Variants in PCDHGB5 observed in about 807,000 individuals in gnomAD.
PCDHGB5 encodes the protein protocadherin gamma-B5.
Under a neutral mutation model 62.9 loss-of-function variants are expected in PCDHGB5, and 48 were observed. The ratio of observed to expected loss-of-function variants is 0.76; its 90% CI spans 0.61 to 0.97. The LOEUF (loss-of-function observed/expected upper bound fraction) is 0.97. Ranked by LOEUF, PCDHGB5 falls within the 50% of genes least tolerant of loss-of-function variation. PCDHGB5 has a pLI of 0.00. For synonymous variants in PCDHGB5, 474 were observed against 511.2 expected, an observed-to-expected ratio of 0.93 and a Z score of 0.98; for missense variants, 1,118 against 1,198.6, an observed-to-expected ratio of 0.93 and a Z score of 0.99.
At position 141,399,889 on chromosome 5, in the gene PCDHGB5, G is replaced by A. The variant is rs2093912508; in HGVS notation, c.1762G>A (p.Val588Met). 2.5e-6 allele frequency: 4 copies of A among 1,612,576 alleles called. No homozygotes were observed. In the African/African-American group the frequency reaches 5.3e-5, roughly 22 times the overall value. Residue 588 changes from valine to methionine, a missense_variant, in exon 1 of 4, where the codon GTG becomes ATG. Val to Met is a conservative substitution (Grantham distance 21). This residue lies in a region of PCDHGB5 where 1,034 missense variants were observed against 1,029.1 expected (regional missense o/e 1.00). Coordinates refer to ENST00000617380, the MANE Select transcript of PCDHGB5 (RefSeq NM_018925.3). ...AEPGYLVTKV[V>M]AVDADSGHNA... Reference sequence around the variant, plus strand: ...GCCCGGCTACCTGGTGACCAAGGTAGTGGCCGTGGACGCAGACTCAGGACA... The same window carrying A: ...GCCCGGCTACCTGGTGACCAAGGTAATGGCCGTGGACGCAGACTCAGGACA...
chr5:141,478,347 C>T, intron 1 of PCDHGB5: 2 of 1,613,802 alleles, frequency 1.2e-6, no homozygotes, highest in Non-Finnish European at 1.7e-6. Context: ...TCCTTGCACG[C>T]GGACGCCGTG....
intron 1 of PCDHGB5, among the ~76,000 whole-genome samples, chr5:141,434,518 T>C (rs2097700303): frequency 6.6e-6 from 1 of 152,188 alleles, no homozygotes; most frequent in Admixed American, 6.5e-5. Flanking sequence ...CTTAAAGGTG[T>C]TCTTAAACCA....
intron 1 of PCDHGB5, among the ~76,000 whole-genome samples, chr5:141,457,687 G>A (rs2098927754): frequency 6.6e-6 from 1 of 152,198 alleles, no homozygotes; most frequent in Admixed American, 6.5e-5. Context: ...TAGGACTTTT[G>A]GATTGGCTTT....
At chr5:141,423,375 G>C in intron 1 of PCDHGB5, 1 of 1,614,192 alleles carries the variant, frequency 6.2e-7, no homozygotes, top group Non-Finnish European at 8.5e-7. Context: ...TGGCACTCAG[G>C]CTGTGGCGCT....
At chr5:141,506,237 T>G (rs558256375) in intron 3 of PCDHGB5, among the ~76,000 whole-genome samples, 1 of 152,014 alleles carries the variant, frequency 6.6e-6, no homozygotes, top group South Asian at 2.1e-4. Flanking sequence ...GATCATGAGG[T>G]CAGGAGTTCG....
At position 141,491,828 on chromosome 5, in the gene PCDHGB5, G is replaced by C. The variant is rs1389234164; in HGVS notation, c.2398-2979G>C. ...CTTGGTCGCTGGCTGCGCTCCACCC[G>C]ATTCTCGGGATCATTGGACCGTTTG... On this transcript the variant is annotated intron_variant, in intron 1 of 3. Coordinates refer to ENST00000617380, the MANE Select transcript of PCDHGB5 (RefSeq NM_018925.3). The surrounding 1 kb of genome is among the most constrained non-coding windows in gnomAD (Gnocchi z 6.9). 4.1e-6 allele frequency: 6 copies of C among 1,475,668 alleles called. No homozygotes were observed. The highest frequency in any genetic ancestry group is 5.4e-6 in the Non-Finnish European group (6 of 1,113,522). 91.4% of individuals were successfully genotyped at this position (1,475,668 alleles called of 1,614,324 possible).
chr5:141,430,655 G>C (rs1309165721), intron 1 of PCDHGB5: 2 of 1,085,056 alleles, frequency 1.8e-6, no homozygotes, highest in Non-Finnish European at 2.6e-6. Flanking sequence ...TGGAAACAAC[G>C]GAGGAGCTCT....
In PCDHGB5 at chr5:141,399,718, C is replaced by G. The variant is rs770212703; in HGVS notation, c.1591C>G (p.Arg531Gly). 6.2e-7 allele frequency: 1 copy of G among 1,613,308 alleles called. No individual in the cohort carries two copies. Among genetic ancestry groups the G allele is most frequent in the Non-Finnish European group, 8.5e-7 (1 of 1,179,858 alleles). Residue 531 changes from arginine (R) to glycine (G), a missense_variant, in exon 1 of 4, where the codon CGC becomes GGC. Transcript: ENST00000617380. Reference protein sequence around the residue: ...LRTFELTLQARDQGSPALSAN... With the variant: ...LRTFELTLQAGDQGSPALSAN... ...CACCTTCGAACTCACACTACAGGCC[C>G]GCGACCAGGGCTCGCCTGCGCTCAG...
At chr5:141,418,802 T>C in intron 1 of PCDHGB5, 1 of 1,613,862 alleles carries the variant, frequency 6.2e-7, no homozygotes, top group Non-Finnish European at 8.5e-7. Flanking sequence ...AGTAGAAAGA[T>C]ATACGATAAA....
intron 1 of PCDHGB5, among the ~76,000 whole-genome samples, chr5:141,430,329 T>G (rs1466381565): frequency 1.3e-5 from 2 of 151,776 alleles, no homozygotes; most frequent in Non-Finnish European, 2.9e-5. Flanking sequence ...AATCATTGTT[T>G]ATAGAAACTT....
At chr5:141,503,241 A>G (rs1399557839) in intron 2 of PCDHGB5, among the ~76,000 whole-genome samples, 1 of 152,074 alleles carries the variant, frequency 6.6e-6, no homozygotes, top group Non-Finnish European at 1.5e-5. Context: ...GACAGTTTCT[A>G]TCATACTCAC....
Position 141,490,754 on chromosome 5 carries a change from CCTT to C in PCDHGB5, c.2398-4052_2398-4050del, listed in dbSNP as rs775582875. ...CAGGTTCAGGGAGCCCCAGCCTCCT[CCTT>C]TGTGTATGTCAACCCAGAGGATGGA... On this transcript the variant is annotated intron_variant, in intron 1 of 3. Transcript: ENST00000617380. The surrounding 1 kb of genome is among the most constrained non-coding windows in gnomAD (Gnocchi z 5.4). 3.1e-6 allele frequency: 5 copies of C among 1,614,200 alleles called. No individual in the cohort carries two copies. The highest frequency in any genetic ancestry group is 3.4e-6 in the Non-Finnish European group (4 of 1,180,038).
Position 141,487,642 on chromosome 5 carries a change from G to A in PCDHGB5, c.2398-7165G>A, listed in dbSNP as rs747328649. 1.2e-6 allele frequency: 2 copies of A among 1,614,130 alleles called. No individual in the cohort carries two copies. The highest frequency in any genetic ancestry group is 1.3e-5 in the African/African-American group (1 of 75,062). On this transcript the variant is annotated intron_variant, in intron 1 of 3. Transcript: ENST00000617380. This position sits in a 1 kb window ranked among gnomAD's most constrained non-coding sequence, Gnocchi z 5.0. ...TGAGACCTTTGCAGGCTCAACAAAT[G>A]CTTGAGGGTTATTCTGATCCAGGCA...
chr5:141,485,676 G>A lies in PCDHGB5; in HGVS notation c.2398-9131G>A. The A allele has an allele frequency of 6.2e-7, 1 of 1,612,928 alleles. No individual in the cohort carries two copies. The highest frequency in any genetic ancestry group is 2.2e-5 in the East Asian group (1 of 44,848). On this transcript the variant is annotated intron_variant, in intron 1 of 3. Coordinates refer to ENST00000617380, the MANE Select transcript of PCDHGB5 (RefSeq NM_018925.3). This position sits in a 1 kb window ranked among gnomAD's most constrained non-coding sequence, Gnocchi z 5.7. ...GCAGATGTGGGGAGCAATTCGATTA[G>A]CAGCTATAGGCTGAGCTCCAATGAA...
chr5:141,489,380 A>T lies in PCDHGB5; in HGVS notation c.2398-5427A>T, dbSNP rs753226956. 1 of 1,613,874 alleles carries T rather than the reference A, an allele frequency of 6.2e-7. No homozygotes were observed. The highest frequency in any genetic ancestry group is 2.2e-5 in the East Asian group (1 of 44,872). On this transcript the variant is annotated intron_variant, in intron 1 of 3. Transcript: ENST00000617380. The surrounding 1 kb of genome is among the most constrained non-coding windows in gnomAD (Gnocchi z 4.5). ...TCTGAGCCGGGGACGCTGGTGGGGA[A>T]TGTTGCTCAGGATCTGGGCTTAAAG... is the stretch of plus-strand genomic sequence containing the variant.
chr5:141,481,730 G>A (rs778885944), intron 1 of PCDHGB5, among the ~76,000 whole-genome samples: 1 of 151,952 alleles, frequency 6.6e-6, no homozygotes, highest in African/African-American at 2.4e-5. Context: ...GAGGCGGGCG[G>A]ATCACGAGGT....
At position 141,486,028 on chromosome 5, in the gene PCDHGB5, C is replaced by T; in HGVS notation, c.2398-8779C>T. On this transcript the variant is annotated intron_variant, in intron 1 of 3. Transcript: ENST00000617380. This position sits in a 1 kb window ranked among gnomAD's most constrained non-coding sequence, Gnocchi z 5.0. ...TCACCTTTTATTTCAGTGGTCATAC[C>T]CCTGATCGTGTAAGAAACCTCTTTA... The T allele has an allele frequency of 6.2e-7, 1 of 1,614,134 alleles. No individual in the cohort carries two copies. Among genetic ancestry groups the T allele is most frequent in the Non-Finnish European group, 8.5e-7 (1 of 1,180,020 alleles).
intron 1 of PCDHGB5, chr5:141,415,721 G>A (rs1201366552): frequency 3.0e-6 from 2 of 675,878 alleles, no homozygotes; most frequent in Admixed American, 7.4e-5. Context: ...CTGATGAGTA[G>A]AATTTGATGT....
At chr5:141,408,947 ATTAGTC>A in intron 1 of PCDHGB5, 6 of 1,613,666 alleles carry the variant, frequency 3.7e-6, no homozygotes, top group Non-Finnish European at 5.1e-6. Context: ...CGAATATAGA[ATTAGTC>A]TTAGTGAAAA....
Sources: allele counts gnomAD v4.1 joint callset (sites outside exome capture counted in the v4.1 genomes callset), GRCh38; gene constraint gnomAD v4.1.1; regional missense constraint gnomAD v4.1.1; non-coding constraint Gnocchi (gnomAD v3.1); transcripts MANE v1.5; gene names NCBI Gene and HGNC (gene_info 2026-07-23, HGNC 2026-07-21).